LDLRAD3: variants seen among roughly 807,000 people sequenced by gnomAD.
LDLRAD3 encodes low-density lipoprotein receptor class A domain-containing protein 3.
Under a neutral mutation model 29.4 loss-of-function variants are expected in LDLRAD3, and 20 were observed. That is an observed-to-expected ratio of 0.68 (90% CI 0.48 to 0.99). LDLRAD3 has a LOEUF of 0.99. LDLRAD3 is among the 50% of genes least tolerant of loss of function. The pLI is 0.00. For missense variants in LDLRAD3, 420 were observed against 454.3 expected (o/e 0.92, Z 0.69); for synonymous variants, 157 against 192.7 (o/e 0.81, Z 1.53).
intron 4 of LDLRAD3, among the ~76,000 whole-genome samples, chr11:36,209,824 TA>T (rs1322285527): frequency 1.3e-5 from 2 of 152,180 alleles, no homozygotes; most frequent in African/African-American, 4.8e-5. Context: ...CTTAATTAAG[TA>T]AAAAAATCAG....
chr11:35,946,554 C>G (rs888646697), intron 1 of LDLRAD3, among the ~76,000 whole-genome samples: 2 of 152,070 alleles, frequency 1.3e-5, no homozygotes, highest in Non-Finnish European at 2.9e-5. Flanking sequence ...GAGACTAAGC[C>G]CAAGTCATGT....
intron 4 of LDLRAD3, among the ~76,000 whole-genome samples, chr11:36,118,687 A>T (rs755200099): frequency 6.6e-6 from 1 of 152,168 alleles, no homozygotes; most frequent in Non-Finnish European, 1.5e-5. Flanking sequence ...CTTTATTTAG[A>T]TGTAATTAAT....
chr11:36,226,923 C>T (rs1016963736), intron 4 of LDLRAD3, among the ~76,000 whole-genome samples, 162 bp from the exon 5 acceptor site: 14 of 152,244 alleles, frequency 9.2e-5, no homozygotes, highest in Middle Eastern at 3.4e-3. Flanking sequence ...TTTGTTTATC[C>T]GTTCATCGGT....
At chr11:36,224,864 G>A (rs890135999) in intron 4 of LDLRAD3, among the ~76,000 whole-genome samples, 2 of 152,206 alleles carry the variant, frequency 1.3e-5, no homozygotes, top group Admixed American at 6.5e-5. Flanking sequence ...TTCTAGTCCT[G>A]TTCCTCTGCC....
At chr11:36,046,960 A>T (rs902487026) in intron 2 of LDLRAD3, among the ~76,000 whole-genome samples, 1 of 152,200 alleles carries the variant, frequency 6.6e-6, no homozygotes, top group Non-Finnish European at 1.5e-5. Flanking sequence ...TGATGCCTTC[A>T]TTTGGCCATT....
chr11:35,991,353 C>T (rs367653896), intron 1 of LDLRAD3, among the ~76,000 whole-genome samples: 36 of 152,132 alleles, frequency 2.4e-4, no homozygotes, highest in African/African-American at 8.0e-4. Flanking sequence ...CCCCTGGGGC[C>T]CCAAACTGCA....
At chr11:36,091,872 C>T (rs1214612489) in intron 3 of LDLRAD3, among the ~76,000 whole-genome samples, 1 of 152,176 alleles carries the variant, frequency 6.6e-6, no homozygotes, top group Non-Finnish European at 1.5e-5. Context: ...TTACTATTTC[C>T]AGGGTCCTGG....
chr11:36,164,961 C>T (rs960752225), intron 4 of LDLRAD3, among the ~76,000 whole-genome samples: 5 of 152,138 alleles, frequency 3.3e-5, no homozygotes, highest in Admixed American at 3.3e-4. Flanking sequence ...CTTATGTTCC[C>T]ATTATAAAAG....
At chr11:35,969,995 G>A (rs577309672) in intron 1 of LDLRAD3, among the ~76,000 whole-genome samples, 46 of 152,332 alleles carry the variant, frequency 3.0e-4, no homozygotes, top group Non-Finnish European at 6.0e-4. Flanking sequence ...GAGGAGCAAA[G>A]AAGCTAGGCC....
rs57687795 is a variant in LDLRAD3 at position 36,128,117 on chromosome 11, C to CATATATAT, written c.454+29667_454+29674dup. ...CGTATTGATGGCAGAGTTGTTTTTA[C>CATATATAT]ATATATATATATATATATGTATATG... On this transcript the variant is annotated intron_variant, in intron 4 of 5. Transcript: ENST00000315571. 4.2e-4 allele frequency among the ~76,000 whole-genome samples: 42 copies of CATATATAT among 99,004 alleles called. 4 individuals carry two copies. The highest frequency in any genetic ancestry group is 1.5e-3 in the East Asian group (4 of 2,746). The allele number at this position is 99,004 out of a possible 152,430, so 65.0% of individuals were successfully genotyped here.
rs1289624331 is a variant in LDLRAD3, at chr11:36,105,616, G to C, written c.454+7155G>C. On this transcript the variant is annotated intron_variant, in intron 4 of 5. Transcript: ENST00000315571. Reference sequence around the variant, plus strand: ...AATTTGGACACCGACATCACACAGAGAGATCACCATGTGAAGGTGAAGGCA... The same window carrying C: ...AATTTGGACACCGACATCACACAGACAGATCACCATGTGAAGGTGAAGGCA... Among the ~76,000 whole-genome samples, 3 of 152,160 alleles carry C rather than the reference G, an allele frequency of 2.0e-5. No homozygotes were observed. In the East Asian group the frequency reaches 5.8e-4, roughly 29 times the overall value.
intron 1 of LDLRAD3, among the ~76,000 whole-genome samples, chr11:36,020,194 T>C (rs181488599): frequency 6.6e-6 from 1 of 152,310 alleles, no homozygotes; most frequent in Admixed American, 6.5e-5. Context: ...CTCAAGCTAA[T>C]CTGGAGGTAA....
At position 36,117,545 on chromosome 11, in the gene LDLRAD3, C is replaced by T. The variant is rs562085825; in HGVS notation, c.454+19084C>T. On this transcript the variant is annotated intron_variant, in intron 4 of 5. Coordinates refer to ENST00000315571, the MANE Select transcript of LDLRAD3 (RefSeq NM_174902.4). ...AATGTATTTTGGATCTGAACCATTC[C>T]ATGGATTATCAGAATTATTAAACTA... 1.7e-3 allele frequency among the ~76,000 whole-genome samples: 258 copies of T among 152,330 alleles called. No individual in the cohort carries two copies. The Middle Eastern group carries it at 0.02, about 12-fold the overall frequency.
At chr11:36,107,296 G>A (rs1420443549) in intron 4 of LDLRAD3, among the ~76,000 whole-genome samples, 1 of 151,976 alleles carries the variant, frequency 6.6e-6, no homozygotes, top group Non-Finnish European at 1.5e-5. Context: ...CACCTCCCAG[G>A]TTCAAGCAGT....
At chr11:36,185,069 G>A (rs1854826255) in intron 4 of LDLRAD3, among the ~76,000 whole-genome samples, 1 of 152,090 alleles carries the variant, frequency 6.6e-6, no homozygotes, top group Non-Finnish European at 1.5e-5. Context: ...TCCCCAGTAG[G>A]GGAGATGGTT....
intron 4 of LDLRAD3, among the ~76,000 whole-genome samples, chr11:36,172,301 G>A (rs2133349177): frequency 6.6e-6 from 1 of 151,966 alleles, no homozygotes; most frequent in South Asian, 2.1e-4. Flanking sequence ...CCTCCTCTTT[G>A]ACAATTTGGA....
intron 4 of LDLRAD3, among the ~76,000 whole-genome samples, chr11:36,147,793 A>G (rs939383751): frequency 2.0e-5 from 3 of 152,176 alleles, no homozygotes; most frequent in African/African-American, 7.2e-5. Context: ...GTGGTATTAC[A>G]AGGGTGAGCC....
At chr11:35,976,977 G>T (rs1170193456) in intron 1 of LDLRAD3, among the ~76,000 whole-genome samples, 2 of 152,232 alleles carry the variant, frequency 1.3e-5, no homozygotes, top group African/African-American at 2.4e-5. Flanking sequence ...TACAAATGTG[G>T]TTTTTTGGGT....
At chr11:36,069,473 C>T (rs978287328) in intron 2 of LDLRAD3, among the ~76,000 whole-genome samples, 7 of 152,160 alleles carry the variant, frequency 4.6e-5, no homozygotes, top group South Asian at 4.1e-4. Flanking sequence ...GGCCACATGT[C>T]GGTTTTCACT....
Sources: allele counts gnomAD v4.1 joint callset (sites outside exome capture counted in the v4.1 genomes callset), GRCh38; gene constraint gnomAD v4.1.1; transcripts MANE v1.5; gene names NCBI Gene and HGNC (gene_info 2026-07-23, HGNC 2026-07-21).